MOV10L1: variants seen among roughly 807,000 people sequenced by gnomAD.
The protein encoded by MOV10L1 is Mov10 like RNA helicase 1.
In MOV10L1, 110 loss-of-function variants were observed where a neutral mutation model predicts 143.8. The observed-to-expected ratio is 0.76, with a 90% CI of 0.66 to 0.90. The LOEUF is 0.90. MOV10L1 is among the 40% of genes least tolerant of loss of function. The pLI is 0.00. For synonymous variants in MOV10L1, 593 were observed against 581.1 expected, an observed-to-expected ratio of 1.02 and a Z score of -0.29; for missense variants, 1,406 against 1,526.8, an observed-to-expected ratio of 0.92 and a Z score of 1.32.
chr22:50,146,417 C>T (rs970869952), intron 19 of MOV10L1, among the ~76,000 whole-genome samples: 4 of 151,988 alleles, frequency 2.6e-5, no homozygotes, highest in African/African-American at 4.8e-5. Context: ...GGAAGAGCTT[C>T]GAGCCCAGGG....
chr22:50,152,923 GA>G lies in MOV10L1; in HGVS notation c.2893-121del, dbSNP rs1356621970. On this transcript the variant is annotated intron_variant, in intron 21 of 26. Coordinates refer to ENST00000262794, the MANE Select transcript of MOV10L1 (RefSeq NM_018995.3). The surrounding 1 kb of genome is among the most constrained non-coding windows in gnomAD (Gnocchi z 4.4). Reference sequence around the variant, plus strand: ...GGGCAGGCGACACACAGGGGCGCAGGAGCAGAGTCAGGCTTGGAAGTCAGGC... The same window carrying G: ...GGGCAGGCGACACACAGGGGCGCAGGGCAGAGTCAGGCTTGGAAGTCAGGC... 1 of 995,034 alleles carries G rather than the reference GA, an allele frequency of 1.0e-6. No individual in the cohort carries two copies. Among genetic ancestry groups the G allele is most frequent in the East Asian group, 2.4e-5 (1 of 41,366 alleles). 61.6% of individuals were successfully genotyped at this position (995,034 alleles called of 1,614,324 possible). A position where few individuals can be genotyped will look rare whatever the true frequency, so the allele number is the denominator to read the frequency against.
intron 8 of MOV10L1, among the ~76,000 whole-genome samples, chr22:50,115,998 C>T (rs1015982173): frequency 2.6e-5 from 4 of 152,206 alleles, no homozygotes; most frequent in African/African-American, 9.6e-5. Flanking sequence ...GCTGACCAAA[C>T]AGGCCCTGTC....
intron 15 of MOV10L1, among the ~76,000 whole-genome samples, chr22:50,138,803 A>G (rs955825929): frequency 6.6e-6 from 1 of 152,068 alleles, no homozygotes; most frequent in African/African-American, 2.4e-5. Flanking sequence ...TCCCAGATTC[A>G]AGCAGTTCTC....
chr22:50,120,625 T>C lies in MOV10L1; in HGVS notation c.1569+9T>C, dbSNP rs961929395. ...AGCCATTACTTGCAGAGGTAGGAAGTGTCTCATGGCCTGTGGGGTGTTGGC... is the reference window on the plus strand; with the variant it reads ...AGCCATTACTTGCAGAGGTAGGAAGCGTCTCATGGCCTGTGGGGTGTTGGC... On this transcript the variant is annotated intron_variant, in intron 10 of 26. Transcript: ENST00000262794. 6 of 1,575,038 alleles carry C rather than the reference T, an allele frequency of 3.8e-6. No homozygotes were observed. Among genetic ancestry groups the C allele is most frequent in the African/African-American group, 1.4e-5 (1 of 74,028 alleles).
chr22:50,134,269 A>T (rs1569310292), intron 14 of MOV10L1, among the ~76,000 whole-genome samples: 1 of 152,220 alleles, frequency 6.6e-6, no homozygotes, highest in Non-Finnish European at 1.5e-5. Context: ...ATGCTTAAAT[A>T]ACCGAAAATA....
At chr22:50,101,262 C>A (rs374385267) in intron 3 of MOV10L1, among the ~76,000 whole-genome samples, 1 of 152,174 alleles carries the variant, frequency 6.6e-6, no homozygotes, top group Non-Finnish European at 1.5e-5. Context: ...GTTTCCCAGG[C>A]TGGAGTACAG....
chr22:50,118,919 G>T (rs951302730), intron 9 of MOV10L1, among the ~76,000 whole-genome samples: 2 of 152,080 alleles, frequency 1.3e-5, no homozygotes, highest in African/African-American at 4.8e-5. Context: ...GTTAGTCATC[G>T]GTTTCTTTAA....
chr22:50,128,659 C>G, intron 13 of MOV10L1, 152 bp downstream of exon 13: 1 of 555,172 alleles, frequency 1.8e-6, no homozygotes, highest in Non-Finnish European at 3.2e-6. Context: ...ATTCTCCTGC[C>G]TCGGCCTCCC....
At position 50,158,214 on chromosome 22, in the gene MOV10L1, C is replaced by A; in HGVS notation, c.3216+8C>A. 6.2e-7 allele frequency: 1 copy of A among 1,614,016 alleles called. No homozygotes were observed. The highest frequency in any genetic ancestry group is 1.3e-5 in the African/African-American group (1 of 75,070). On this transcript the variant is annotated splice_region_variant and intron_variant, in intron 23 of 26. Coordinates refer to ENST00000262794, the MANE Select transcript of MOV10L1 (RefSeq NM_018995.3). This position sits in a 1 kb window ranked among gnomAD's most constrained non-coding sequence, Gnocchi z 5.0. Reference sequence around the variant, plus strand: ...ACGCCCTACCGGAAGCAGGTACGCCCTGCCCAGGCACGCCTGGTTCTGTGA... The same window carrying A: ...ACGCCCTACCGGAAGCAGGTACGCCATGCCCAGGCACGCCTGGTTCTGTGA...
chr22:50,122,797 A>ATTTT (rs55649847), intron 10 of MOV10L1, among the ~76,000 whole-genome samples: 6 of 147,344 alleles, frequency 4.1e-5, no homozygotes, highest in South Asian at 4.2e-4. Flanking sequence ...TTATTTATTT[A>ATTTT]TTTTTGAGAC....
In MOV10L1 at chr22:50,158,069, C is replaced by T. The variant is rs903603052; in HGVS notation, c.3079C>T (p.Arg1027Trp). The change falls in exon 23 of 27, where the codon CGG (arginine) becomes TGG (tryptophan). Residue 1027 changes from arginine to tryptophan, a missense_variant. This residue lies in a region of MOV10L1 where 1,233 missense variants were observed against 1,351.4 expected (regional missense o/e 0.91). Coordinates refer to ENST00000262794, the MANE Select transcript of MOV10L1 (RefSeq NM_018995.3). The surrounding 1 kb of genome is among the most constrained non-coding windows in gnomAD (Gnocchi z 5.0). Reference protein sequence around the residue: ...IFHGVRGSEAREGKSPSWFNP... With the variant: ...IFHGVRGSEAWEGKSPSWFNP... ...CTCATCAACCCAGGGCAGCGAGGCA[C>T]GGGAGGGAAAAAGCCCATCGTGGTT... 8.1e-6 allele frequency: 13 copies of T among 1,613,524 alleles called. No individual in the cohort carries two copies. The highest frequency in any genetic ancestry group is 2.7e-5 in the African/African-American group (2 of 74,928).
At chr22:50,093,056 A>C (rs1056119111) in intron 2 of MOV10L1, 1 of 152,122 alleles carries the variant, frequency 6.6e-6, no homozygotes, top group East Asian at 1.9e-4. Flanking sequence ...ACCCACCACC[A>C]CACCCAGTTA....
chr22:50,119,165 C>T (rs1171868433), intron 9 of MOV10L1, among the ~76,000 whole-genome samples: 10 of 152,078 alleles, frequency 6.6e-5, no homozygotes, highest in Non-Finnish European at 1.5e-4. Flanking sequence ...GATTTTAACC[C>T]CCTGGTCAGT....
intron 7 of MOV10L1, 95 bp downstream of exon 7, chr22:50,114,717 G>T: frequency 6.5e-7 from 1 of 1,532,754 alleles, no homozygotes; most frequent in Non-Finnish European, 8.8e-7. Flanking sequence ...CAGGGGCCAG[G>T]ACACCCGGCA....
intron 3 of MOV10L1, among the ~76,000 whole-genome samples, chr22:50,104,954 C>T (rs888703698): frequency 4.0e-5 from 6 of 149,536 alleles, no homozygotes; most frequent in African/African-American, 1.5e-4. Flanking sequence ...TGCAGTGGCT[C>T]AGTCATAGCT....
intron 13 of MOV10L1, among the ~76,000 whole-genome samples, chr22:50,130,731 C>T (rs1424617534): frequency 1.3e-5 from 2 of 152,170 alleles, no homozygotes; most frequent in Non-Finnish European, 2.9e-5. Context: ...TGGTAGAAGG[C>T]ACACAGCCTC....
At chr22:50,120,748 G>T in intron 10 of MOV10L1, 132 bp downstream of exon 10, 3 of 674,638 alleles carry the variant, frequency 4.4e-6, no homozygotes, top group Non-Finnish European at 7.7e-6. Flanking sequence ...CTGGGATAAC[G>T]AGGGTCACTG....
intron 1 of MOV10L1, chr22:50,090,615 C>A: frequency 1.4e-6 from 2 of 1,453,766 alleles, no homozygotes; most frequent in South Asian, 1.2e-5. Flanking sequence ...GTTTTCAAGC[C>A]CATCTTTCTA....
At chr22:50,145,351 G>A (rs537314609) in intron 18 of MOV10L1, among the ~76,000 whole-genome samples, 123 of 152,348 alleles carry the variant, frequency 8.1e-4, no homozygotes, top group African/African-American at 2.8e-3. Context: ...GAACCTGGGA[G>A]GCAGAGGTTG....
Sources: allele counts gnomAD v4.1 joint callset (sites outside exome capture counted in the v4.1 genomes callset), GRCh38; gene constraint gnomAD v4.1.1; regional missense constraint gnomAD v4.1.1; non-coding constraint Gnocchi (gnomAD v3.1); transcripts MANE v1.5; gene names NCBI Gene and HGNC (gene_info 2026-07-23, HGNC 2026-07-21).